The following MIB1 variants were observed in gnomAD, a reference collection of about 807,000 sequenced individuals.
MIB1 encodes E3 ubiquitin-protein ligase MIB1.
MIB1 carries 278 observed loss-of-function variants against 124.5 expected under a neutral mutation model. That is an observed-to-expected ratio of 2.23 (90% CI 2.02 to 2.47). MIB1 has a LOEUF of 2.47. Among genes scored for constraint, MIB1 ranks in the 30% most tolerant of loss-of-function variants. The pLI is 0.00. For missense variants in MIB1, 957 were observed against 1,254.4 expected (o/e 0.76, Z 3.58); for synonymous variants, 446 against 429.4 (o/e 1.04, Z -0.48).
intron 18 of MIB1, among the ~76,000 whole-genome samples, chr18:21,855,518 C>G (rs1176861173): frequency 6.6e-6 from 1 of 152,202 alleles, no homozygotes; most frequent in African/African-American, 2.4e-5. Context: ...AGAAAAAAAT[C>G]TGCCTTCAAA....
rs758887338 is a variant in MIB1 at position 21,773,658 on chromosome 18, C to A, written c.566C>A (p.Pro189Gln). ...TEIQDWSASS[P>Q]HSAAYVLWDN... ...ATCCAGGACTGGAGTGCATCAAGCC[C>A]ACATAGCGCAGCATATGTCCTCTGG... Residue 189 changes from proline (P) to glutamine (Q), a missense_variant, in exon 4 of 21, where the codon CCA becomes CAA. Transcript: ENST00000261537. 9 of 1,609,392 alleles carry A rather than the reference C, an allele frequency of 5.6e-6. No homozygotes were observed. The highest frequency in any genetic ancestry group is 7.6e-6 in the Non-Finnish European group (9 of 1,178,220).
intron 12 of MIB1, chr18:21,831,163 T>A (rs1047825865): frequency 2.0e-5 from 3 of 149,922 alleles, no homozygotes; most frequent in African/African-American, 7.3e-5. Context: ...CCCAAATAAC[T>A]GTAAACATTC....
intron 12 of MIB1, among the ~76,000 whole-genome samples, chr18:21,835,840 A>ACACACACAAACAC (rs1555695330): frequency 0.32 from 34,362 of 107,744 alleles, 6,585 homozygotes; most frequent in Non-Finnish European, 0.36. Context: ...CACACACACA[A>ACACACACAAACAC]ACACACACGA....
At chr18:21,735,684 TC>T (rs1156628074) in intron 1 of MIB1, among the ~76,000 whole-genome samples, 2 of 152,120 alleles carry the variant, frequency 1.3e-5, no homozygotes, top group African/African-American at 4.8e-5. Flanking sequence ...TCAAGCTTGG[TC>T]GGGGGGAGGG....
upstream of MIB1, among the ~76,000 whole-genome samples, chr18:21,736,230 C>G (rs559817232): frequency 7.2e-5 from 11 of 152,294 alleles, 1 homozygote; most frequent in Admixed American, 7.2e-4. Flanking sequence ...GATACCCAGG[C>G]AAACAGGGTA....
chr18:21,723,424 A>G (rs985864158), intron 1 of MIB1, among the ~76,000 whole-genome samples: 1 of 152,130 alleles, frequency 6.6e-6, no homozygotes, highest in African/African-American at 2.4e-5. Context: ...GAGTGTACTC[A>G]CTGCTACTGG....
chr18:21,753,393 G>T (rs2040996890), intron 1 of MIB1, among the ~76,000 whole-genome samples: 1 of 151,942 alleles, frequency 6.6e-6, no homozygotes, highest in Non-Finnish European at 1.5e-5. Flanking sequence ...TCACCATGTT[G>T]GCCAGGCAGG....
In MIB1 at chr18:21,799,844, G is replaced by T; in HGVS notation, c.1241G>T (p.Arg414Ile). Residue 414 changes from arginine (R) to isoleucine (I), a missense_variant, in exon 9 of 21, where the codon AGA becomes ATA. Transcript: ENST00000261537. ...AGCTTTATTTGATGCTTTACAGAAA[G>T]ACTCTCACAACTCCTGAAGAAATTA... ...GSAISNASGE[R>I]LSQLLKKLFE... 6.2e-7 allele frequency: 1 copy of T among 1,609,152 alleles called. No homozygotes were observed. The highest frequency in any genetic ancestry group is 8.5e-7 in the Non-Finnish European group (1 of 1,176,918).
At position 21,804,760 on chromosome 18, in the gene MIB1, T is replaced by C. The variant is rs138917686; in HGVS notation, c.1479+746T>C. On this transcript the variant is annotated intron_variant, in intron 10 of 20. Coordinates refer to ENST00000261537, the MANE Select transcript of MIB1 (RefSeq NM_020774.4). ...TCTAAAAAACACTCTCATCTGTGAG[T>C]GCTTAATGAGGACTTGAATTGCTGA... is the stretch of plus-strand genomic sequence containing the variant. 1.8e-3 allele frequency among the ~76,000 whole-genome samples: 278 copies of C among 152,302 alleles called. 7 individuals carry two copies. In the East Asian group the frequency reaches 0.043, roughly 23 times the overall value.
intron 2 of MIB1, among the ~76,000 whole-genome samples, chr18:21,767,579 T>A (rs2041176828): frequency 1.3e-5 from 2 of 152,086 alleles, no homozygotes; most frequent in Admixed American, 1.3e-4. Context: ...ATGGAGTCTC[T>A]CTCTGTTGCC....
At chr18:21,725,794 GGAA>G (rs2040739253) in intron 1 of MIB1, among the ~76,000 whole-genome samples, 1 of 151,858 alleles carries the variant, frequency 6.6e-6, no homozygotes, top group African/African-American at 2.4e-5. Flanking sequence ...AGGGAAGGAA[GGAA>G]GGAAGGAAGG....
intron 6 of MIB1, among the ~76,000 whole-genome samples, chr18:21,785,415 C>T (rs2041423738): frequency 1.3e-5 from 2 of 152,218 alleles, no homozygotes; most frequent in Admixed American, 6.5e-5. Context: ...TAGGGCTGGA[C>T]CCTATATTAT....
rs2041248846 is a variant in MIB1, at chr18:21,773,722, G to C, written c.630G>C (p.Glu210Asp). Reference sequence around the variant, plus strand: ...AGAACCTTTACAGAGTTGGCTTTGAGGGCATGGTAAGTAGTGAAGAGCCAT... The same window carrying C: ...AGAACCTTTACAGAGTTGGCTTTGACGGCATGGTAAGTAGTGAAGAGCCAT... The part of the protein sequence containing the change: ...GAKNLYRVGF[E>D]GMSDLKCVQD... Residue 210 changes from glutamate (E) to aspartate (D), a missense_variant, in exon 4 of 21, where the codon GAG becomes GAC. Coordinates refer to ENST00000261537, the MANE Select transcript of MIB1 (RefSeq NM_020774.4). The C allele has an allele frequency of 6.3e-7, 1 of 1,594,092 alleles. No homozygotes were observed. The highest frequency in any genetic ancestry group is 1.4e-5 in the African/African-American group (1 of 73,662).
chr18:21,778,873 C>A (rs2041324778), intron 5 of MIB1, among the ~76,000 whole-genome samples: 1 of 151,884 alleles, frequency 6.6e-6, no homozygotes, highest in Non-Finnish European at 1.5e-5. Context: ...ACAAAACAAG[C>A]TTTCTTGTTT....
At chr18:21,842,944 T>G (rs545513763) in intron 13 of MIB1, among the ~76,000 whole-genome samples, 187 bp from the exon 14 acceptor site, 1 of 152,342 alleles carries the variant, frequency 6.6e-6, no homozygotes, top group African/African-American at 2.4e-5. Context: ...TTCAGAAAGT[T>G]TGTTGCCCCA....
rs1051060045 is a variant in MIB1, at chr18:21,741,280, G to C, written c.-304G>C. On this transcript the variant is annotated 5_prime_UTR_variant, in exon 1 of 21. Transcript: ENST00000261537. This position sits in a 1 kb window ranked among gnomAD's most constrained non-coding sequence, Gnocchi z 5.4. ...CGCTGTAGCCTGGCCGGGGAGCCCG[G>C]AGGAAGCGGGAGAGTCCCCGCCCAC... The C allele has an allele frequency of 3.2e-5, 5 of 158,352 alleles. No homozygotes were observed. The highest frequency in any genetic ancestry group is 1.9e-4 in the East Asian group (1 of 5,398). 9.8% of individuals were successfully genotyped at this position (158,352 alleles called of 1,614,324 possible).
intron 12 of MIB1, 121 bp downstream of exon 12, chr18:21,819,767 G>A: frequency 4.7e-6 from 3 of 632,572 alleles, no homozygotes; most frequent in Non-Finnish European, 7.1e-6. Flanking sequence ...TCATTTTAAA[G>A]TTTTGTGAAT....
rs112675218 is a variant in MIB1, at chr18:21,836,675, C to T, written c.1830-1690C>T. Among the ~76,000 whole-genome samples the T allele has an allele frequency of 5.6e-4, 85 of 152,294 alleles. 1 individual carries two copies. Among genetic ancestry groups the T allele is most frequent in the African/African-American group, 1.9e-3 (78 of 41,562 alleles). On this transcript the variant is annotated intron_variant, in intron 12 of 20. Coordinates refer to ENST00000261537, the MANE Select transcript of MIB1 (RefSeq NM_020774.4). ...TGTTTAAATTAATGACAAGTATTTA[C>T]ATTATTATTTTTACATTTTGTTTTT...
intron 1 of MIB1, among the ~76,000 whole-genome samples, chr18:21,756,248 G>T (rs2041029717): frequency 6.6e-6 from 1 of 152,096 alleles, no homozygotes; most frequent in South Asian, 2.1e-4. Flanking sequence ...TAGGCCATGA[G>T]AAATAAACTA....
Sources: allele counts gnomAD v4.1 joint callset (sites outside exome capture counted in the v4.1 genomes callset), GRCh38; gene constraint gnomAD v4.1.1; non-coding constraint Gnocchi (gnomAD v3.1); transcripts MANE v1.5; gene names NCBI Gene and HGNC (gene_info 2026-07-23, HGNC 2026-07-21).